PPIG: variants seen among roughly 807,000 people sequenced by gnomAD.
PPIG encodes peptidyl-prolyl cis-trans isomerase G.
In PPIG, 26 loss-of-function variants were observed where a neutral mutation model predicts 87.9. That is an observed-to-expected ratio of 0.30 (90% confidence interval 0.22 to 0.41). The LOEUF is 0.41. Ranked by LOEUF, PPIG falls within the 10% of genes least tolerant of loss-of-function variation. The pLI is 1.00. For missense variants in PPIG, 722 were observed against 879.4 expected, an observed-to-expected ratio of 0.82 and a Z score of 2.26; for synonymous variants, 308 against 276.5, an observed-to-expected ratio of 1.11 and a Z score of -1.13.
intron 4 of PPIG, among the ~76,000 whole-genome samples, chr2:169,605,753 C>T (rs902635888): frequency 2.6e-5 from 4 of 152,028 alleles, no homozygotes; most frequent in Admixed American, 6.6e-5. Flanking sequence ...GAGCCAAGAT[C>T]GTGCCACCGC....
intron 9 of PPIG, among the ~76,000 whole-genome samples, chr2:169,619,613 C>T (rs1448778189): frequency 3.3e-5 from 5 of 152,214 alleles, no homozygotes; most frequent in African/African-American, 9.6e-5. Context: ...AATCCCTTTA[C>T]CATTATGTAA....
intron 10 of PPIG, 148 bp from the exon 11 acceptor site, chr2:169,631,618 G>C: frequency 7.0e-7 from 1 of 1,436,286 alleles, no homozygotes; most frequent in Non-Finnish European, 9.1e-7. Context: ...CAGAGGAATA[G>C]AAGATTTTTC....
chr2:169,588,274 G>A (rs1424074391), intron 1 of PPIG, among the ~76,000 whole-genome samples: 1 of 152,126 alleles, frequency 6.6e-6, no homozygotes, highest in Non-Finnish European at 1.5e-5. Flanking sequence ...GTTAATTATT[G>A]TATACATTTT....
intron 1 of PPIG, among the ~76,000 whole-genome samples, chr2:169,599,450 G>GTGCT (rs1553544390): frequency 6.6e-6 from 1 of 151,668 alleles, no homozygotes; most frequent in Non-Finnish European, 1.5e-5. Flanking sequence ...TAAGTTGTTT[G>GTGCT]TGCTTACTGT....
intron 1 of PPIG, among the ~76,000 whole-genome samples, chr2:169,593,720 C>T (rs527570786): frequency 1.1e-4 from 16 of 141,464 alleles, no homozygotes; most frequent in East Asian, 4.3e-4. Flanking sequence ...GGCGTGATCT[C>T]GGCTCACTGC....
At chr2:169,632,976 CTG>C (rs1451252200) in intron 11 of PPIG, among the ~76,000 whole-genome samples, 182 bp from the exon 12 acceptor site, 2 of 150,764 alleles carry the variant, frequency 1.3e-5, no homozygotes, top group African/African-American at 4.9e-5. Context: ...CTGGGTTTTA[CTG>C]TGTTAGCCAG....
chr2:169,614,342 C>A, intron 7 of PPIG, 122 bp from the exon 8 acceptor site: 1 of 840,422 alleles, frequency 1.2e-6, no homozygotes, highest in Non-Finnish European at 1.9e-6. Context: ...ATTAAGATAG[C>A]AGTTGATGTC....
At chr2:169,587,328 G>A (rs1684731383) in intron 1 of PPIG, among the ~76,000 whole-genome samples, 1 of 151,512 alleles carries the variant, frequency 6.6e-6, no homozygotes, top group African/African-American at 2.4e-5. Flanking sequence ...TGCAACCTCC[G>A]CCTCCCGGGT....
chr2:169,587,166 C>G (rs1339491429), intron 1 of PPIG, among the ~76,000 whole-genome samples: 1 of 152,100 alleles, frequency 6.6e-6, no homozygotes. Context: ...TTCCTGACCT[C>G]AAGTAATCCA....
intron 1 of PPIG, among the ~76,000 whole-genome samples, chr2:169,591,290 T>TA (rs1284473524): frequency 6.6e-6 from 1 of 152,198 alleles, no homozygotes; most frequent in African/African-American, 2.4e-5. Context: ...GGTTACCTCT[T>TA]ACTGATTTTT....
At chr2:169,604,394 C>T (rs1187494444) in intron 4 of PPIG, 133 bp downstream of exon 4, 1 of 723,388 alleles carries the variant, frequency 1.4e-6, no homozygotes, top group Non-Finnish European at 2.2e-6. Flanking sequence ...TGGACTAGAA[C>T]TCCTGGGCTC....
At chr2:169,596,389 G>A (rs1027425892) in intron 1 of PPIG, among the ~76,000 whole-genome samples, 1 of 152,212 alleles carries the variant, frequency 6.6e-6, no homozygotes, top group African/African-American at 2.4e-5. Context: ...ACAGGCGTGA[G>A]CCTTCGCACC....
At chr2:169,609,816 A>G (rs1041425057) in intron 7 of PPIG, among the ~76,000 whole-genome samples, 5 of 152,314 alleles carry the variant, frequency 3.3e-5, no homozygotes, top group East Asian at 1.9e-4. Flanking sequence ...AGAATCTTCT[A>G]TTGATGCTAA....
At chr2:169,588,873 C>T (rs759468340) in intron 1 of PPIG, among the ~76,000 whole-genome samples, 3 of 145,200 alleles carry the variant, frequency 2.1e-5, no homozygotes, top group East Asian at 4.2e-4. Context: ...GCAGGAGAAT[C>T]GCTTGAACCC....
intron 12 of PPIG, among the ~76,000 whole-genome samples, chr2:169,635,820 A>G (rs1327573606): frequency 2.0e-5 from 3 of 152,222 alleles, no homozygotes; most frequent in Non-Finnish European, 4.4e-5. Flanking sequence ...GGAATTTGCA[A>G]CATGACAACT....
chr2:169,629,925 T>C lies in PPIG; in HGVS notation c.548-849T>C, dbSNP rs115824753. Among the ~76,000 whole-genome samples, 859 of 152,296 alleles carry C rather than the reference T, an allele frequency of 5.6e-3. 4 individuals are homozygous for C. The highest frequency in any genetic ancestry group is 0.02 in the African/African-American group (816 of 41,568). On this transcript the variant is annotated intron_variant, in intron 9 of 13. Coordinates refer to ENST00000260970, the MANE Select transcript of PPIG (RefSeq NM_004792.3). ...ACTGTGAACTAATGTATTTCTAATA[T>C]AATCTGATATATCTCAATTTATTGT...
Position 169,638,400 on chromosome 2 carries a change from C to G in PPIG, c.*877C>G, listed in dbSNP as rs530866152. On this transcript the variant is annotated 3_prime_UTR_variant, in exon 14 of 14. Transcript: ENST00000260970. The stretch of plus-strand genomic sequence containing the variant: ...CATTTGTGCAGGTCCTTAAGCTATA[C>G]AGATTCTAAAAATTGTTAGTATTGA... 30 of 151,520 alleles carry G rather than the reference C, an allele frequency of 2.0e-4. No homozygotes were observed. Among genetic ancestry groups the G allele is most frequent in the African/African-American group, 7.2e-4 (30 of 41,384 alleles). The allele number at this position is 151,520 out of a possible 1,614,324, so 9.4% of individuals were successfully genotyped here.
chr2:169,598,805 ATATT>A (rs1272464101), intron 1 of PPIG, among the ~76,000 whole-genome samples: 5 of 147,570 alleles, frequency 3.4e-5, no homozygotes, highest in South Asian at 2.1e-4. Flanking sequence ...AGTATTATAA[ATATT>A]TATATTTATA....
rs924078732 is a variant in PPIG, at chr2:169,604,001, G to A, written c.-16-25G>A. 8 of 1,574,602 alleles carry A rather than the reference G, an allele frequency of 5.1e-6. No individual in the cohort carries two copies. In the African/African-American group the frequency reaches 9.5e-5, roughly 19 times the overall value. On this transcript the variant is annotated intron_variant, in intron 2 of 13. Coordinates refer to ENST00000260970, the MANE Select transcript of PPIG (RefSeq NM_004792.3). ...AGATCTTTGCTATTTTAGTCTGCTT[G>A]TCTGAAACTGTATTTTACTCACAGA... is the stretch of plus-strand genomic sequence containing the variant.
Sources: gnomAD v4.1 joint callset for allele counts (sites outside exome capture counted in the v4.1 genomes callset) on GRCh38, gnomAD v4.1.1 for gene constraint, MANE v1.5 for transcripts, NCBI Gene and HGNC (gene_info 2026-07-23, HGNC 2026-07-21) for gene names.